Variants in DNAH12 observed in about 807,000 individuals in gnomAD.
DNAH12 encodes the protein axonemal beta dynein heavy chain 12.
DNAH12 carries 285 observed loss-of-function variants against 371.5 expected under a neutral mutation model. The observed-to-expected ratio is 0.77, with a 90% CI of 0.70 to 0.85. The LOEUF is 0.85. DNAH12 is among the 40% of genes least tolerant of loss of function. DNAH12 has a pLI of 0.00. For synonymous variants in DNAH12, 1,200 were observed against 1,213.0 expected (o/e 0.99, Z 0.22); for missense variants, 3,611 against 3,689.4 (o/e 0.98, Z 0.55).
At chr3:57,510,081 C>A (rs1432979907) in intron 5 of DNAH12, among the ~76,000 whole-genome samples, 2 of 151,674 alleles carry the variant, frequency 1.3e-5, no homozygotes, top group Admixed American at 6.6e-5. Flanking sequence ...TAATTATATA[C>A]AATTTTTATT....
intron 17 of DNAH12, among the ~76,000 whole-genome samples, chr3:57,465,446 C>G (rs1243195254): frequency 6.6e-6 from 1 of 152,116 alleles, no homozygotes; most frequent in Non-Finnish European, 1.5e-5. Context: ...ATACCAAAAT[C>G]TGACAAAGAC....
rs1056944392 is a variant in DNAH12 at position 57,334,370 on chromosome 3, TGA to T, written c.9978+93_9978+94del. The T allele has an allele frequency of 2.3e-6, 3 of 1,298,180 alleles. No homozygotes were observed. The Admixed American group carries it at 9.6e-5, about 42-fold the overall frequency. The allele number at this position is 1,298,180 out of a possible 1,614,324, so 80.4% of individuals were successfully genotyped here. Reference sequence around the variant, plus strand: ...TGAACTGTAAGCTGGATAATCAATCTGAGAGTTAAAGAATCAAATAACAAGAA... The same window carrying T: ...TGAACTGTAAGCTGGATAATCAATCTGAGTTAAAGAATCAAATAACAAGAA... On this transcript the variant is annotated intron_variant, in intron 62 of 73. Transcript: ENST00000495027.
At chr3:57,314,232 C>A (rs1483253913) in intron 66 of DNAH12, among the ~76,000 whole-genome samples, 1 of 152,102 alleles carries the variant, frequency 6.6e-6, no homozygotes, top group Non-Finnish European at 1.5e-5. Context: ...GCCGAATCAA[C>A]CAAACCCAGA....
In DNAH12 at chr3:57,436,892, A is replaced by G. The variant is rs893155191; in HGVS notation, c.4655+59T>C. On this transcript the variant is annotated intron_variant, in intron 30 of 73. Transcript: ENST00000495027. ...GCCAAGTCTTTGGTTCATGGATTTTAGTTGTTTTACCAGCTTAATTAAGAA... is the reference window on the plus strand; with the variant it reads ...GCCAAGTCTTTGGTTCATGGATTTTGGTTGTTTTACCAGCTTAATTAAGAA... 4.4e-5 allele frequency: 51 copies of G among 1,164,112 alleles called. No homozygotes were observed. The African/African-American group carries it at 6.7e-4, about 15-fold the overall frequency. 72.1% of individuals were successfully genotyped at this position (1,164,112 alleles called of 1,614,324 possible). A position where few individuals can be genotyped will look rare whatever the true frequency, so the allele number is the denominator to read the frequency against.
At chr3:57,441,341 AAT>A (rs1229313822) in intron 29 of DNAH12, among the ~76,000 whole-genome samples, 6 of 152,214 alleles carry the variant, frequency 3.9e-5, no homozygotes, top group African/African-American at 1.4e-4. Flanking sequence ...AAGATAGGTC[AAT>A]TAGAAAGTAT....
At chr3:57,354,025 A>G (rs1452261527) in intron 59 of DNAH12, among the ~76,000 whole-genome samples, 2 of 152,244 alleles carry the variant, frequency 1.3e-5, no homozygotes, top group Non-Finnish European at 2.9e-5. Flanking sequence ...TATTGGGTAC[A>G]TACCCAAAGG....
At chr3:57,299,699 G>C (rs547505) in intron 70 of DNAH12, among the ~76,000 whole-genome samples, 2 of 151,848 alleles carry the variant, frequency 1.3e-5, no homozygotes, top group Admixed American at 1.3e-4. Flanking sequence ...AAACAGAAGA[G>C]ACATTTTTCT....
chr3:57,362,882 A>C (rs1036795332), intron 58 of DNAH12, among the ~76,000 whole-genome samples: 1 of 152,056 alleles, frequency 6.6e-6, no homozygotes, highest in Non-Finnish European at 1.5e-5. Flanking sequence ...ATTAGATCCC[A>C]TTTGTCTATT....
At chr3:57,299,757 C>G (rs528266008) in intron 70 of DNAH12, among the ~76,000 whole-genome samples, 84 of 151,754 alleles carry the variant, frequency 5.5e-4, no homozygotes, top group African/African-American at 2.0e-3. Context: ...GTAACCTGAC[C>G]ATGATGGCAT....
chr3:57,499,641 A>ATATATATATATAT (rs1553711536), intron 11 of DNAH12, among the ~76,000 whole-genome samples: 1 of 25,442 alleles, frequency 3.9e-5, no homozygotes, highest in African/African-American at 1.7e-4. Context: ...AAAAAAAAAA[A>ATATATATATATAT]AAAAAAATAT....
intron 42 of DNAH12, among the ~76,000 whole-genome samples, chr3:57,404,719 CAAAAAA>C (rs1159463206): frequency 1.3e-5 from 2 of 150,914 alleles, no homozygotes; most frequent in East Asian, 3.9e-4. Context: ...GACTCAGTCT[CAAAAAA>C]AAGAAAAAGA....
In DNAH12 at chr3:57,366,728, C is replaced by A. The variant is rs2063059744; in HGVS notation, c.9167+1G>T. ...CTAGAAGCATCTAAGAAAATACATA[C>A]CTCTCCTTTGCAACAACAATACCTA... On this transcript the variant is annotated splice_donor_variant, in intron 57 of 73. Transcript: ENST00000495027. LOFTEE classifies it high-confidence loss of function. The A allele has an allele frequency of 1.3e-5, 2 of 152,132 alleles. No homozygotes were observed. Among genetic ancestry groups the A allele is most frequent in the Non-Finnish European group, 2.9e-5 (2 of 68,032 alleles). 9.4% of individuals were successfully genotyped at this position (152,132 alleles called of 1,614,324 possible).
chr3:57,553,393 A>G, the DNAH12 span, among the ~76,000 whole-genome samples: 3 of 152,200 alleles, frequency 2.0e-5, no homozygotes, highest in Non-Finnish European at 4.4e-5. Context: ...CTGGATTTAC[A>G]TACCAGGTAT....
intron 35 of DNAH12, among the ~76,000 whole-genome samples, chr3:57,424,715 G>T (rs1420153987): frequency 6.6e-6 from 1 of 151,174 alleles, no homozygotes; most frequent in Non-Finnish European, 1.5e-5. Context: ...GAGGTGGGGG[G>T]TGGAGGTTGT....
chr3:57,472,228 A>AATGGG (rs147669612), intron 14 of DNAH12, among the ~76,000 whole-genome samples: 15,790 of 152,218 alleles, frequency 0.1, 968 homozygotes, highest in South Asian at 0.15. Flanking sequence ...AAATGGAAGA[A>AATGGG]ATGGGAGCAT....
intron 60 of DNAH12, among the ~76,000 whole-genome samples, chr3:57,350,285 G>C (rs900752676): frequency 3.3e-5 from 5 of 151,856 alleles, no homozygotes; most frequent in African/African-American, 4.8e-5. Context: ...AACCAGTTGA[G>C]ATAAATAAAA....
chr3:57,428,543 T>C (rs2153364886), intron 34 of DNAH12, 90 bp downstream of exon 34: 1 of 1,514,626 alleles, frequency 6.6e-7, no homozygotes, highest in Middle Eastern at 1.7e-4. Flanking sequence ...TGGTTTTAGT[T>C]ATTCATTCTA....
intron 11 of DNAH12, among the ~76,000 whole-genome samples, chr3:57,491,773 CA>C (rs57203853): frequency 2.0e-5 from 3 of 150,470 alleles, no homozygotes; most frequent in South Asian, 4.2e-4. Context: ...CCCATCTCTA[CA>C]AAAAAAAATA....
Position 57,457,894 on chromosome 3 carries a change from C to G in DNAH12, c.3163G>C (p.Glu1055Gln). 1 of 1,551,654 alleles carries G rather than the reference C, an allele frequency of 6.4e-7. No individual in the cohort carries two copies. The highest frequency in any genetic ancestry group is 8.7e-7 in the Non-Finnish European group (1 of 1,146,984). Residue 1055 changes from glutamate (E) to glutamine (Q), a missense_variant, in exon 22 of 74, where the codon GAG (glutamate) becomes CAG (glutamine). By Grantham distance (29) the Glu-to-Gln change is conservative (BLOSUM62 2). Transcript: ENST00000495027. The stretch of plus-strand genomic sequence containing the variant: ...TTAATGTCCAAATTGGGAAGGAACT[C>G]TAATTTAGCAATGCCCTCAAAGCAT... ...KKCFEGIAKL[E>Q]FLPNLDIKAM...
Sources: gnomAD v4.1 joint callset for allele counts (sites outside exome capture counted in the v4.1 genomes callset) on GRCh38, gnomAD v4.1.1 for gene constraint, MANE v1.5 for transcripts, NCBI Gene and HGNC (gene_info 2026-07-23, HGNC 2026-07-21) for gene names.